Variants in RAI14 observed in about 807,000 individuals in gnomAD.
RAI14 encodes retinoic acid induced 14, also known as ankycorbin.
In RAI14, 45 loss-of-function variants were observed where a neutral mutation model predicts 115.4. That is an observed-to-expected ratio of 0.39 (90% CI 0.31 to 0.50). The LOEUF is 0.50. RAI14 is among the 20% of genes least tolerant of loss of function. The pLI is 0.85. For synonymous variants in RAI14, 371 were observed against 415.4 expected, an observed-to-expected ratio of 0.89 and a Z score of 1.30; for missense variants, 939 against 1,131.2, an observed-to-expected ratio of 0.83 and a Z score of 2.44.
chr5:34,695,323 C>G (rs1277586205), intron 2 of RAI14, among the ~76,000 whole-genome samples: 1 of 152,178 alleles, frequency 6.6e-6, no homozygotes, highest in Non-Finnish European at 1.5e-5. Context: ...TACAGTAGTT[C>G]TAACAAGGTA....
In RAI14 at chr5:34,807,776, G is replaced by C. The variant is rs1313853778; in HGVS notation, c.322-24G>C. 3.2e-6 allele frequency: 5 copies of C among 1,561,090 alleles called. No homozygotes were observed. The Admixed American group carries it at 5.0e-5, about 16-fold the overall frequency. On this transcript the variant is annotated intron_variant, in intron 5 of 17. Coordinates refer to ENST00000265109, the MANE Select transcript of RAI14 (RefSeq NM_015577.3). The stretch of plus-strand genomic sequence containing the variant: ...TTGGGGCAGGGTATTTTATTATATG[G>C]ATGTATTTATTTTTGTCTTATAGTC...
At chr5:34,689,488 G>C (rs978292856) in intron 2 of RAI14, among the ~76,000 whole-genome samples, 2 of 152,158 alleles carry the variant, frequency 1.3e-5, no homozygotes, top group African/African-American at 4.8e-5. Context: ...CTCTGGACAA[G>C]TCTCTTACTC....
intron 1 of RAI14, among the ~76,000 whole-genome samples, chr5:34,677,542 T>C (rs1744079151): frequency 6.6e-6 from 1 of 151,954 alleles, no homozygotes; most frequent in African/African-American, 2.4e-5. Flanking sequence ...ACTCCTGGGC[T>C]CAAGTGATCC....
chr5:34,662,570 C>T (rs1207611574), intron 1 of RAI14, among the ~76,000 whole-genome samples: 1 of 151,944 alleles, frequency 6.6e-6, no homozygotes, highest in Non-Finnish European at 1.5e-5. Flanking sequence ...TACTGAAGTA[C>T]ACCATTTACA....
intron 15 of RAI14, among the ~76,000 whole-genome samples, chr5:34,825,565 G>A (rs537546705): frequency 4.9e-4 from 75 of 152,142 alleles, no homozygotes; most frequent in Admixed American, 4.1e-3. Flanking sequence ...TACCCTCGCC[G>A]GTCCCTCCTT....
At chr5:34,805,070 T>C (rs954336391) in intron 5 of RAI14, among the ~76,000 whole-genome samples, 4 of 152,230 alleles carry the variant, frequency 2.6e-5, no homozygotes, top group African/African-American at 9.6e-5. Flanking sequence ...TCGGAATCTT[T>C]GAAGCCTTTA....
rs1482314034 is a variant in RAI14 at position 34,821,741 on chromosome 5, G to C, written c.1004G>C (p.Ser335Thr). The C allele has an allele frequency of 1.9e-6, 3 of 1,595,474 alleles. No individual in the cohort carries two copies. The East Asian group carries it at 6.7e-5, about 36-fold the overall frequency. The change falls in exon 14 of 18, where the codon AGC (serine) becomes ACC (threonine). Residue 335 changes from serine to threonine, a missense_variant. By Grantham distance (58) the Ser-to-Thr change is moderately conservative (BLOSUM62 1). Coordinates refer to ENST00000265109, the MANE Select transcript of RAI14 (RefSeq NM_015577.3). ...CTTTCTCTTTCCCAAGGTGCTGATA[G>C]CTTATTGGATATAAGTTCTGAAGCT... is the stretch of plus-strand genomic sequence containing the variant. ...RLSDSTTGAD[S>T]LLDISSEADQ...
chr5:34,754,529 C>T (rs73076493), intron 2 of RAI14, among the ~76,000 whole-genome samples: 7,395 of 145,816 alleles, frequency 0.051, 667 homozygotes, highest in African/African-American at 0.17. Context: ...CGCCCAGGCT[C>T]TTACCTTCCC....
At chr5:34,802,782 G>C (rs1215181467) in intron 4 of RAI14, among the ~76,000 whole-genome samples, 2 of 152,284 alleles carry the variant, frequency 1.3e-5, no homozygotes, top group South Asian at 2.1e-4. Flanking sequence ...AGCAGGGAGT[G>C]GGGGTAAAAG....
intron 3 of RAI14, among the ~76,000 whole-genome samples, chr5:34,785,134 G>C (rs765915566): frequency 6.6e-6 from 1 of 152,132 alleles, no homozygotes; most frequent in African/African-American, 2.4e-5. Context: ...GTTCATTAAC[G>C]AAGTCCTCTA....
chr5:34,816,918 C>A (rs565208613), intron 12 of RAI14, among the ~76,000 whole-genome samples: 348 of 149,422 alleles, frequency 2.3e-3, no homozygotes, highest in African/African-American at 8.2e-3. Flanking sequence ...AAAACAACAA[C>A]AAAAAAAAAC....
rs149938361 is a variant in RAI14, at chr5:34,798,565, C to T, written c.256+2538C>T. ...CTGCATTTTAATTTATTAAATATCC[C>T]GCCAGTTTCATTTCCCCCATTAAAG... On this transcript the variant is annotated intron_variant, in intron 4 of 17. Transcript: ENST00000265109. 9.6e-3 allele frequency among the ~76,000 whole-genome samples: 1,458 copies of T among 151,944 alleles called. 27 individuals carry two copies. Among genetic ancestry groups the T allele is most frequent in the African/African-American group, 0.033 (1,375 of 41,408 alleles).
At chr5:34,760,533 T>A (rs1045268051) in intron 3 of RAI14, among the ~76,000 whole-genome samples, 2 of 152,148 alleles carry the variant, frequency 1.3e-5, no homozygotes, top group African/African-American at 4.8e-5. Context: ...TTGCACATGT[T>A]TGTGCAAGAC....
intron 2 of RAI14, among the ~76,000 whole-genome samples, chr5:34,715,781 G>A (rs191649108): frequency 2.0e-5 from 3 of 152,238 alleles, no homozygotes; most frequent in Admixed American, 2.0e-4. Flanking sequence ...TAGGCTCTGG[G>A]GATTTCACTG....
At chr5:34,660,165 G>C (rs1742583299) in intron 1 of RAI14, among the ~76,000 whole-genome samples, 1 of 151,840 alleles carries the variant, frequency 6.6e-6, no homozygotes, top group Non-Finnish European at 1.5e-5. Flanking sequence ...GACAGAGTGA[G>C]ACCCTGTCTC....
At chr5:34,738,449 A>G (rs746341039) in intron 2 of RAI14, among the ~76,000 whole-genome samples, 1 of 152,102 alleles carries the variant, frequency 6.6e-6, no homozygotes, top group East Asian at 1.9e-4. Flanking sequence ...AGCAGTGTGG[A>G]ATTCATGGGA....
chr5:34,696,428 G>C (rs1265248047), intron 2 of RAI14, among the ~76,000 whole-genome samples: 1 of 151,990 alleles, frequency 6.6e-6, no homozygotes, highest in South Asian at 2.1e-4. Context: ...GAGCCACCAC[G>C]CCCGGCCGCA....
At chr5:34,775,759 C>T (rs1382681714) in intron 3 of RAI14, among the ~76,000 whole-genome samples, 1 of 152,148 alleles carries the variant, frequency 6.6e-6, no homozygotes, top group Non-Finnish European at 1.5e-5. Flanking sequence ...ATCCAAAAGA[C>T]AGGCAATAAC....
At chr5:34,783,419 A>T (rs1287985988) in intron 3 of RAI14, among the ~76,000 whole-genome samples, 1 of 152,136 alleles carries the variant, frequency 6.6e-6, no homozygotes, top group Non-Finnish European at 1.5e-5. Context: ...AGGTATCTTG[A>T]TGGTATCCAA....
Sources: gnomAD v4.1 joint callset for allele counts (sites outside exome capture counted in the v4.1 genomes callset) on GRCh38, gnomAD v4.1.1 for gene constraint, MANE v1.5 for transcripts, NCBI Gene and HGNC (gene_info 2026-07-23, HGNC 2026-07-21) for gene names.